Variants in CA10 observed in about 807,000 individuals in gnomAD.
CA10 encodes carbonic anhydrase 10 (inactive).
In CA10, 14 loss-of-function variants were observed where a neutral mutation model predicts 44.2. That is an observed-to-expected ratio of 0.32 (90% confidence interval 0.21 to 0.50). CA10 has a LOEUF of 0.50. CA10 is among the 20% of genes least tolerant of loss of function. The pLI is 0.99. For missense variants in CA10, 350 were observed against 409.7 expected, an observed-to-expected ratio of 0.85 and a Z score of 1.26; for synonymous variants, 159 against 141.6, an observed-to-expected ratio of 1.12 and a Z score of -0.87.
chr17:51,987,632 AT>A lies in CA10; in HGVS notation c.137-56501del, dbSNP rs1222984324. Among the ~76,000 whole-genome samples the A allele has an allele frequency of 2.6e-5, 4 of 152,080 alleles. No individual in the cohort carries two copies. The East Asian group carries it at 7.7e-4, about 29-fold the overall frequency. ...TTATTCAGAATATTCTATGTGCCAG[AT>A]AAAAGCAGAAAATAAAAAAAAGACA... On this transcript the variant is annotated intron_variant, in intron 2 of 8. Transcript: ENST00000451037.
chr17:52,153,209 C>T (rs1989739216), intron 1 of CA10, among the ~76,000 whole-genome samples: 1 of 152,084 alleles, frequency 6.6e-6, no homozygotes, highest in Admixed American at 6.6e-5. Context: ...AGAGTTTTAT[C>T]TATGATGATG....
intron 2 of CA10, among the ~76,000 whole-genome samples, chr17:51,980,670 A>C (rs114930710): frequency 2.4e-3 from 363 of 152,176 alleles, no homozygotes; most frequent in African/African-American, 8.3e-3. Flanking sequence ...TGAAGTCTTT[A>C]ATCTATCTTG....
At chr17:51,783,950 C>A (rs553226781) in intron 3 of CA10, among the ~76,000 whole-genome samples, 1 of 152,224 alleles carries the variant, frequency 6.6e-6, no homozygotes, top group African/African-American at 2.4e-5. Flanking sequence ...TCTTTAGAAT[C>A]TGCCTACTGG....
At chr17:51,727,890 T>TA (rs869218468) in intron 4 of CA10, among the ~76,000 whole-genome samples, 1 of 152,086 alleles carries the variant, frequency 6.6e-6, no homozygotes, top group African/African-American at 2.4e-5. Flanking sequence ...TTTAAAGACT[T>TA]AAAAAAATTT....
At chr17:51,868,738 A>G in intron 3 of CA10, among the ~76,000 whole-genome samples, 1 of 151,982 alleles carries the variant, frequency 6.6e-6, no homozygotes, top group East Asian at 1.9e-4. Flanking sequence ...TACAAATAAC[A>G]CTTATGAGCA....
chr17:51,784,691 G>A (rs1906192509), intron 3 of CA10, among the ~76,000 whole-genome samples: 1 of 152,216 alleles, frequency 6.6e-6, no homozygotes, highest in African/African-American at 2.4e-5. Flanking sequence ...TACAAGAGAT[G>A]TTTTGTTACA....
At chr17:51,772,784 T>A (rs753249194) in intron 3 of CA10, among the ~76,000 whole-genome samples, 6 of 152,192 alleles carry the variant, frequency 3.9e-5, no homozygotes, top group Non-Finnish European at 7.3e-5. Flanking sequence ...GAGACTCAAG[T>A]TCAAGTACCT....
intron 4 of CA10, among the ~76,000 whole-genome samples, chr17:51,733,832 C>T (rs888275809): frequency 6.6e-6 from 1 of 152,106 alleles, no homozygotes; most frequent in Non-Finnish European, 1.5e-5. Flanking sequence ...GGGGTTGCTT[C>T]CTAGGGGTGT....
intron 2 of CA10, among the ~76,000 whole-genome samples, chr17:51,938,831 T>G (rs1982965700): frequency 1.3e-5 from 2 of 152,090 alleles, no homozygotes; most frequent in Admixed American, 1.3e-4. Flanking sequence ...TCATTATTAT[T>G]ATTTTACAGG....
At chr17:52,121,394 A>T (rs371887606) in intron 1 of CA10, among the ~76,000 whole-genome samples, 2 of 152,124 alleles carry the variant, frequency 1.3e-5, no homozygotes, top group Non-Finnish European at 2.9e-5. Flanking sequence ...GTTGGAAGGG[A>T]TATTGCTTAA....
intron 2 of CA10, among the ~76,000 whole-genome samples, chr17:52,058,696 G>A (rs1388792812): frequency 6.6e-6 from 1 of 152,140 alleles, no homozygotes; most frequent in Non-Finnish European, 1.5e-5. Context: ...CCTGGCAGAT[G>A]CCTATTCATC....
chr17:52,142,788 G>A (rs766173251), intron 1 of CA10, among the ~76,000 whole-genome samples: 1 of 152,028 alleles, frequency 6.6e-6, no homozygotes, highest in Non-Finnish European at 1.5e-5. Context: ...GGAGCTGATG[G>A]GGTTATTTTT....
At chr17:51,899,172 G>T (rs1981204332) in intron 3 of CA10, among the ~76,000 whole-genome samples, 1 of 151,786 alleles carries the variant, frequency 6.6e-6, no homozygotes, top group African/African-American at 2.4e-5. Flanking sequence ...TTTTGATGTG[G>T]GCATTTAGCA....
chr17:51,841,870 T>C (rs1978322246), intron 3 of CA10, among the ~76,000 whole-genome samples: 1 of 152,208 alleles, frequency 6.6e-6, no homozygotes, highest in Non-Finnish European at 1.5e-5. Flanking sequence ...TTTCCAAGTT[T>C]TGCTTCATCA....
At chr17:51,649,890 A>T (rs578069449) in intron 5 of CA10, among the ~76,000 whole-genome samples, 3 of 151,678 alleles carry the variant, frequency 2.0e-5, no homozygotes, top group African/African-American at 7.3e-5. Flanking sequence ...AAAAAAAAAA[A>T]ACTGAAAAGT....
chr17:52,022,770 C>A (rs565419658), intron 2 of CA10, among the ~76,000 whole-genome samples: 1 of 152,046 alleles, frequency 6.6e-6, no homozygotes, highest in East Asian at 1.9e-4. Flanking sequence ...TTTCAAGATA[C>A]AAAATAAAAG....
At chr17:51,898,862 G>GT (rs563318695) in intron 3 of CA10, among the ~76,000 whole-genome samples, 1,788 of 151,546 alleles carry the variant, frequency 0.012, 35 homozygotes, top group South Asian at 0.016. Flanking sequence ...AGTCTCTGAG[G>GT]TTTTTTTTAA....
At chr17:51,867,172 T>C (rs1979585692) in intron 3 of CA10, among the ~76,000 whole-genome samples, 2 of 152,188 alleles carry the variant, frequency 1.3e-5, no homozygotes, top group South Asian at 4.1e-4. Flanking sequence ...TACACATTTA[T>C]AACACTGGGC....
rs143379083 is a variant in CA10, at chr17:52,089,271, A to G, written c.62-16878T>C. On this transcript the variant is annotated intron_variant, in intron 1 of 8. Coordinates refer to ENST00000451037, the MANE Select transcript of CA10 (RefSeq NM_020178.5). Reference sequence around the variant, plus strand: ...TACACTTACTATGGTGTTCAATGAAAAGATGCTGGTCTTGGTGAGTGTACA... The same window carrying G: ...TACACTTACTATGGTGTTCAATGAAGAGATGCTGGTCTTGGTGAGTGTACA... Among the ~76,000 whole-genome samples the G allele has an allele frequency of 1.5e-4, 23 of 152,286 alleles. No individual in the cohort carries two copies. In the East Asian group the frequency reaches 4.2e-3, roughly 28 times the overall value.
Sources: allele counts gnomAD v4.1 joint callset (sites outside exome capture counted in the v4.1 genomes callset), GRCh38; gene constraint gnomAD v4.1.1; transcripts MANE v1.5; gene names NCBI Gene and HGNC (gene_info 2026-07-23, HGNC 2026-07-21).